The following OTUD7A variants were observed in gnomAD, a reference collection of about 807,000 sequenced individuals.
The protein encoded by OTUD7A is OTU domain-containing protein 7A.
Under a neutral mutation model 65.7 loss-of-function variants are expected in OTUD7A, and 12 were observed. The observed-to-expected ratio is 0.18, with a 90% confidence interval of 0.12 to 0.30. OTUD7A has a LOEUF of 0.30. OTUD7A is among the 10% of genes least tolerant of loss of function. OTUD7A has a pLI of 1.00. For missense variants in OTUD7A, 1,148 were observed against 1,304.8 expected (o/e 0.88, Z 1.85); for synonymous variants, 641 against 586.3 (o/e 1.09, Z -1.35).
chr15:31,513,504 T>C (rs183729740), intron 8 of OTUD7A, among the ~76,000 whole-genome samples: 1 of 152,372 alleles, frequency 6.6e-6, no homozygotes, highest in East Asian at 1.9e-4. Context: ...GGCGTCTCCT[T>C]AGTCTCCTTC....
chr15:31,569,737 C>A (rs940290933), intron 4 of OTUD7A, among the ~76,000 whole-genome samples: 8 of 152,190 alleles, frequency 5.3e-5, no homozygotes, highest in Non-Finnish European at 1.0e-4. Flanking sequence ...TCTGAAAAAA[C>A]CAAGACTCCA....
chr15:31,801,678 G>T (rs1214600110), intron 1 of OTUD7A, among the ~76,000 whole-genome samples: 1 of 152,188 alleles, frequency 6.6e-6, no homozygotes, highest in Non-Finnish European at 1.5e-5. Context: ...CTGTGTGTAT[G>T]TGTGTATGCA....
At chr15:31,850,204 T>C (rs938326749) in intron 1 of OTUD7A, among the ~76,000 whole-genome samples, 4 of 152,182 alleles carry the variant, frequency 2.6e-5, no homozygotes. Flanking sequence ...ATGTGGCACA[T>C]ATACATCATG....
intron 3 of OTUD7A, among the ~76,000 whole-genome samples, chr15:31,608,793 G>A (rs1338222429): frequency 2.0e-5 from 3 of 152,204 alleles, no homozygotes; most frequent in Non-Finnish European, 4.4e-5. Context: ...ACAGAGCAGC[G>A]TGCGGAGGCT....
chr15:31,687,480 T>C (rs1378209206), intron 1 of OTUD7A, among the ~76,000 whole-genome samples: 1 of 152,228 alleles, frequency 6.6e-6, no homozygotes, highest in African/African-American at 2.4e-5. Context: ...TAACAGCTAC[T>C]GCTTAGCAAG....
intron 3 of OTUD7A, among the ~76,000 whole-genome samples, chr15:31,597,094 T>C (rs944922590): frequency 1.1e-4 from 14 of 129,202 alleles, no homozygotes; most frequent in Non-Finnish European, 1.9e-4. Context: ...CTGGCTAGTT[T>C]TTTTTCTTTT....
At chr15:31,674,282 A>G (rs1400848393) in intron 1 of OTUD7A, among the ~76,000 whole-genome samples, 1 of 152,138 alleles carries the variant, frequency 6.6e-6, no homozygotes, top group African/African-American at 2.4e-5. Context: ...GAGGCTGGGG[A>G]TGAAGGTGAG....
intron 3 of OTUD7A, among the ~76,000 whole-genome samples, chr15:31,596,363 G>T (rs1889903882): frequency 6.6e-6 from 1 of 152,176 alleles, no homozygotes; most frequent in African/African-American, 2.4e-5. Flanking sequence ...CGGATGCGCT[G>T]CAGTGAATTC....
rs144284270 is a variant in OTUD7A, at chr15:31,822,646, T to C, written c.-100+47861A>G. 4.6e-3 allele frequency among the ~76,000 whole-genome samples: 704 copies of C among 152,298 alleles called. 2 individuals are homozygous for C. The highest frequency in any genetic ancestry group is 7.9e-3 in the South Asian group (38 of 4,832). ...TTGCAAAGAGATTCACAGAAAACTT[T>C]CTTTAAATAGCACACTGCAAGTGTC... On this transcript the variant is annotated intron_variant, in intron 1 of 12. Coordinates refer to ENST00000307050, the MANE Select transcript of OTUD7A (RefSeq NM_001382637.1).
intron 1 of OTUD7A, among the ~76,000 whole-genome samples, chr15:31,846,760 A>G (rs547321058): frequency 6.6e-6 from 1 of 152,364 alleles, no homozygotes; most frequent in South Asian, 2.1e-4. Context: ...GACAAGAAAA[A>G]CCAAACCAGA....
At chr15:31,691,519 A>G (rs1892962082) in intron 1 of OTUD7A, among the ~76,000 whole-genome samples, 1 of 152,236 alleles carries the variant, frequency 6.6e-6, no homozygotes, top group South Asian at 2.1e-4. Flanking sequence ...TGGTGCTGAG[A>G]AAACCAAATA....
intron 3 of OTUD7A, among the ~76,000 whole-genome samples, chr15:31,646,802 G>A (rs1331335316): frequency 9.9e-5 from 15 of 152,214 alleles, no homozygotes; most frequent in East Asian, 3.9e-4. Flanking sequence ...AGACTTCTGA[G>A]TAAAACCAAC....
rs2041092640 is a variant in OTUD7A at position 31,479,987 on chromosome 15, A to G, written c.*3307T>C. On this transcript the variant is annotated 3_prime_UTR_variant, in exon 13 of 13. Coordinates refer to ENST00000307050, the MANE Select transcript of OTUD7A (RefSeq NM_001382637.1). ...GAAAAAAGGAAATCAAGCTTTCAAT[A>G]AAAAAAGACACTGATACATTCCCAC... is the stretch of plus-strand genomic sequence containing the variant. 1 of 152,166 alleles carries G rather than the reference A, an allele frequency of 6.6e-6. No homozygotes were observed. The highest frequency in any genetic ancestry group is 2.1e-4 in the South Asian group (1 of 4,826). The allele number at this position is 152,166 out of a possible 1,614,324, so 9.4% of individuals were successfully genotyped here.
At position 31,753,720 on chromosome 15, in the gene OTUD7A, ATT is replaced by A. The variant is rs1491485997; in HGVS notation, c.-99-96645_-99-96644del. ...ATATATATTATATATATATATATAT[ATT>A]ATATATATATATATATATCTCACAG... On this transcript the variant is annotated intron_variant, in intron 1 of 12. Coordinates refer to ENST00000307050, the MANE Select transcript of OTUD7A (RefSeq NM_001382637.1). Among the ~76,000 whole-genome samples, 199 of 69,488 alleles carry A rather than the reference ATT, an allele frequency of 2.9e-3. 4 individuals are homozygous for A. The highest frequency in any genetic ancestry group is 0.011 in the African/African-American group (183 of 17,358). 45.6% of individuals were successfully genotyped at this position (69,488 alleles called of 152,430 possible). A position where few individuals can be genotyped will look rare whatever the true frequency, so the allele number is the denominator to read the frequency against.
chr15:31,739,263 G>A (rs752029860), intron 1 of OTUD7A, among the ~76,000 whole-genome samples: 1 of 152,182 alleles, frequency 6.6e-6, no homozygotes, highest in Non-Finnish European at 1.5e-5. Flanking sequence ...AATGCAATTT[G>A]AGGTTCCATG....
intron 1 of OTUD7A, among the ~76,000 whole-genome samples, chr15:31,720,153 T>C (rs897941029): frequency 6.6e-5 from 10 of 150,600 alleles, no homozygotes; most frequent in Admixed American, 2.6e-4. Flanking sequence ...GAAAGAATCG[T>C]GGAAAAGTTT....
chr15:31,644,151 G>A (rs1444425729), intron 3 of OTUD7A, among the ~76,000 whole-genome samples: 6 of 151,950 alleles, frequency 3.9e-5, no homozygotes, highest in Non-Finnish European at 8.8e-5. Context: ...CATGCTCTAC[G>A]CAGATGGCAC....
At chr15:31,546,311 T>C (rs187187362) in intron 5 of OTUD7A, among the ~76,000 whole-genome samples, 4 of 152,354 alleles carry the variant, frequency 2.6e-5, no homozygotes, top group South Asian at 4.1e-4. Context: ...CAGCTTGTTA[T>C]GGACTGAATG....
At chr15:31,632,534 C>A (rs1418194596) in intron 3 of OTUD7A, among the ~76,000 whole-genome samples, 1 of 152,268 alleles carries the variant, frequency 6.6e-6, no homozygotes, top group Non-Finnish European at 1.5e-5. Context: ...TCTGCCCCCA[C>A]TTGGGGGTGC....
Sources: gnomAD v4.1 joint callset for allele counts (sites outside exome capture counted in the v4.1 genomes callset) on GRCh38, gnomAD v4.1.1 for gene constraint, MANE v1.5 for transcripts, NCBI Gene and HGNC (gene_info 2026-07-23, HGNC 2026-07-21) for gene names.